Variants in SLTM observed in about 807,000 individuals in gnomAD.
SLTM encodes the protein SAFB-like transcription modulator.
SLTM carries 43 observed loss-of-function variants against 134.6 expected under a neutral mutation model. The ratio of observed to expected loss-of-function variants is 0.32; its 90% CI spans 0.25 to 0.41. SLTM has a LOEUF of 0.41. Among genes scored for constraint, SLTM ranks in the 10% least tolerant of loss-of-function variants. The pLI is 1.00. For missense variants in SLTM, 1,055 were observed against 1,288.8 expected, an observed-to-expected ratio of 0.82 and a Z score of 2.78; for synonymous variants, 424 against 432.3, an observed-to-expected ratio of 0.98 and a Z score of 0.24.
intron 19 of SLTM, 135 bp downstream of exon 19, chr15:58,886,840 A>G (rs2034248380): frequency 3.8e-6 from 4 of 1,066,578 alleles, no homozygotes; most frequent in Middle Eastern, 3.1e-4. Context: ...AATTTAAATA[A>G]AAAATTAATG....
Position 58,893,331 on chromosome 15 carries a change from T to C in SLTM, c.1682A>G (p.Asp561Gly). Residue 561 changes from aspartate (D) to glycine (G), a missense_variant, in exon 13 of 21, where the codon GAC becomes GGC. Around this residue, in one of 3 missense-constraint regions of SLTM, gnomAD observed 776 missense variants for 962.2 expected, o/e 0.81. Coordinates refer to ENST00000380516, the MANE Select transcript of SLTM (RefSeq NM_024755.4). ...TCTACAATGATCTCCTTTAGTTTGG[T>C]CTAGTATTACCATATGTCCTGGACT... ...SKSPGHMVIL[D>G]QTKGDHCRPS... 6.2e-7 allele frequency: 1 copy of C among 1,610,990 alleles called. No homozygotes were observed. The highest frequency in any genetic ancestry group is 8.5e-7 in the Non-Finnish European group (1 of 1,178,944).
chr15:58,920,336 A>T (rs774085500), intron 2 of SLTM, among the ~76,000 whole-genome samples: 3 of 150,550 alleles, frequency 2.0e-5, no homozygotes, highest in Non-Finnish European at 3.0e-5. Flanking sequence ...TAAAATAAAT[A>T]AATAAGGCTG....
chr15:58,916,927 C>A lies in SLTM; in HGVS notation c.315+8G>T. The A allele has an allele frequency of 1.2e-6, 2 of 1,612,354 alleles. No homozygotes were observed. Among genetic ancestry groups the A allele is most frequent in the African/African-American group, 1.3e-5 (1 of 75,008 alleles). ...TAAGCATCTTAACCTGAGTAATTAACACTTTACCTTGATAAAAGCATCATC... is the reference window on the plus strand; with the variant it reads ...TAAGCATCTTAACCTGAGTAATTAAAACTTTACCTTGATAAAAGCATCATC... On this transcript the variant is annotated splice_region_variant and intron_variant, in intron 3 of 20. Transcript: ENST00000380516.
intron 20 of SLTM, among the ~76,000 whole-genome samples, chr15:58,882,080 G>A (rs758481622): frequency 6.0e-5 from 9 of 149,504 alleles, no homozygotes; most frequent in Non-Finnish European, 1.0e-4. Flanking sequence ...GGTGGTGCAC[G>A]CCTGTATTCC....
chr15:58,887,636 C>G (rs2034327068), intron 17 of SLTM, 96 bp from the exon 18 acceptor site: 1 of 1,496,946 alleles, frequency 6.7e-7, no homozygotes, highest in Non-Finnish European at 8.9e-7. Context: ...ATAATGAAAC[C>G]AAAAAATGAA....
rs1331168550 is a variant in SLTM, at chr15:58,899,766, G to A, written c.761C>T (p.Thr254Ile). 2 of 1,614,110 alleles carry A rather than the reference G, an allele frequency of 1.2e-6. No homozygotes were observed. The highest frequency in any genetic ancestry group is 8.5e-7 in the Non-Finnish European group (1 of 1,180,016). ...GAGGTCATCACCATCAAAATCCAGA[G>A]TGATGGCATCTTCAGCCTGGATTGT... Reference protein sequence around the residue: ...SVTIQAEDAITLDFDGDDLLE... With the variant: ...SVTIQAEDAIILDFDGDDLLE... The change falls in exon 7 of 21, where the codon ACT becomes ATT. Residue 254 changes from threonine (T) to isoleucine (I), a missense_variant. Thr to Ile is a moderately conservative substitution (Grantham distance 89). This residue lies in a region of SLTM where 11 missense variants were observed against 42.3 expected (regional missense o/e 0.26). Coordinates refer to ENST00000380516, the MANE Select transcript of SLTM (RefSeq NM_024755.4). This position sits in a 1 kb window ranked among gnomAD's most constrained non-coding sequence, Gnocchi z 5.0.
In SLTM at chr15:58,889,548, G is replaced by A. The variant is rs1412527063; in HGVS notation, c.2086C>T (p.Arg696Cys). The change falls in exon 16 of 21, where the codon CGT becomes TGT. Residue 696 changes from arginine (R) to cysteine (C), a missense_variant. This residue lies in a region of SLTM where 776 missense variants were observed against 962.2 expected (regional missense o/e 0.81). Transcript: ENST00000380516. ...RERIRIEQER[R>C]KEAERIARER... ...CGAGCAATCCGTTCAGCTTCCTTACGACGTTCCTTCAGACAACACAGAATG... is the reference window on the plus strand; with the variant it reads ...CGAGCAATCCGTTCAGCTTCCTTACAACGTTCCTTCAGACAACACAGAATG... 1.9e-6 allele frequency: 3 copies of A among 1,613,676 alleles called. No individual in the cohort carries two copies. The highest frequency in any genetic ancestry group is 1.7e-5 in the Admixed American group (1 of 59,992).
rs1051972005 is a variant in SLTM, at chr15:58,888,478, T to A, written c.2282A>T (p.Tyr761Phe). The change falls in exon 17 of 21, where the codon TAC becomes TTC. Residue 761 changes from tyrosine (Y) to phenylalanine (F), a missense_variant. Physicochemically the swap from Tyr to Phe is conservative, Grantham distance 22. Around this residue, in one of 3 missense-constraint regions of SLTM, gnomAD observed 776 missense variants for 962.2 expected, o/e 0.81. Transcript: ENST00000380516. ...ATTAAATCTGTTCTGTTGGCGAGAG[T>A]AGTCGGATCCATGGCCAAATCGTGC... ...TDARFGHGSD[Y>F]SRQQNRFNDF... The A allele has an allele frequency of 6.2e-7, 1 of 1,614,016 alleles. No individual in the cohort carries two copies. The highest frequency in any genetic ancestry group is 8.5e-7 in the Non-Finnish European group (1 of 1,179,970).
intron 2 of SLTM, among the ~76,000 whole-genome samples, chr15:58,918,278 A>C (rs1334072915): frequency 2.0e-5 from 3 of 152,186 alleles, no homozygotes; most frequent in Non-Finnish European, 4.4e-5. Context: ...TTCTTTCCTA[A>C]GACCAACGAA....
chr15:58,930,321 G>T (rs2037783149), intron 2 of SLTM, among the ~76,000 whole-genome samples: 1 of 146,228 alleles, frequency 6.8e-6, no homozygotes, highest in East Asian at 2.0e-4. Flanking sequence ...GTAGAGATGG[G>T]GTTTGGCCAT....
intron 2 of SLTM, among the ~76,000 whole-genome samples, chr15:58,922,567 T>A (rs202170218): frequency 0.96 from 138,084 of 144,434 alleles, 65,896 homozygotes; most frequent in Middle Eastern, 1. Flanking sequence ...ATGTATATAA[T>A]ATATATTATA....
rs576950755 is a variant in SLTM at position 58,899,174 on chromosome 15, T to A, written c.1058+295A>T. The stretch of plus-strand genomic sequence containing the variant: ...GTTCATTAACCATCATCACAAGGAT[T>A]TTAAAAAATAAAACACAAAAAAATT... On this transcript the variant is annotated intron_variant, in intron 7 of 20. Coordinates refer to ENST00000380516, the MANE Select transcript of SLTM (RefSeq NM_024755.4). The surrounding 1 kb of genome is among the most constrained non-coding windows in gnomAD (Gnocchi z 5.0). 6.9e-6 allele frequency: 3 copies of A among 432,808 alleles called. No individual in the cohort carries two copies. The East Asian group carries it at 1.1e-4, about 17-fold the overall frequency. The allele number at this position is 432,808 out of a possible 1,614,324, so 26.8% of individuals were successfully genotyped here.
chr15:58,883,552 G>A, intron 20 of SLTM, 74 bp downstream of exon 20: 1 of 1,578,080 alleles, frequency 6.3e-7, no homozygotes, highest in Non-Finnish European at 8.7e-7. Flanking sequence ...CAGTCTCTCA[G>A]AAACTATAAT....
intron 9 of SLTM, among the ~76,000 whole-genome samples, chr15:58,896,356 T>G (rs1239887908): frequency 6.6e-6 from 1 of 152,116 alleles, no homozygotes; most frequent in Admixed American, 6.6e-5. Context: ...GCCAGGAGTT[T>G]GAGATCAGCC....
At chr15:58,883,415 A>T in intron 20 of SLTM, 1 of 595,284 alleles carries the variant, frequency 1.7e-6, no homozygotes, top group African/African-American at 1.9e-5. Flanking sequence ...ACGTCACTGA[A>T]TTCATTTAAA....
chr15:58,880,861 C>T (rs1053392758), intron 20 of SLTM, among the ~76,000 whole-genome samples: 38 of 152,120 alleles, frequency 2.5e-4, no homozygotes, highest in Admixed American at 1.3e-4. Flanking sequence ...CCACCACGCC[C>T]GGCCAACCTG....
chr15:58,910,205 T>G (rs2141103266), intron 5 of SLTM, among the ~76,000 whole-genome samples: 1 of 152,256 alleles, frequency 6.6e-6, no homozygotes, highest in Middle Eastern at 3.4e-3. Flanking sequence ...AGGGAGAAAG[T>G]AAACAGAGGC....
intron 2 of SLTM, among the ~76,000 whole-genome samples, chr15:58,920,972 A>T (rs576521928): frequency 6.6e-6 from 1 of 152,294 alleles, no homozygotes; most frequent in South Asian, 2.1e-4. Flanking sequence ...TAAAAAATAA[A>T]AAATTTTTAA....
chr15:58,922,544 ATATGTATATAATATG>A (rs1289076580), intron 2 of SLTM, among the ~76,000 whole-genome samples: 2 of 674 alleles, frequency 3.0e-3, no homozygotes, highest in Non-Finnish European at 6.5e-3. Context: ...AATATATTTT[ATATGTATATAATATG>A]TATATAATAT....
Sources: allele counts gnomAD v4.1 joint callset (sites outside exome capture counted in the v4.1 genomes callset), GRCh38; gene constraint gnomAD v4.1.1; regional missense constraint gnomAD v4.1.1; non-coding constraint Gnocchi (gnomAD v3.1); transcripts MANE v1.5; gene names NCBI Gene and HGNC (gene_info 2026-07-23, HGNC 2026-07-21).